Variants in BBS12 observed in about 807,000 individuals in gnomAD.
The protein encoded by BBS12 is chaperonin-containing T-complex member BBS12.
BBS12 carries 5 observed loss-of-function variants against 5.6 expected under a neutral mutation model. The observed-to-expected ratio is 0.89, with a 90% CI of 0.46 to 1.86. The LOEUF (loss-of-function observed/expected upper bound fraction) is 1.86. Among genes scored for constraint, BBS12 ranks in the 40% most tolerant of loss-of-function variants. BBS12 has a pLI of 0.01. For synonymous variants in BBS12, 308 were observed against 306.8 expected (o/e 1.00, Z -0.04); for missense variants, 748 against 830.4 (o/e 0.90, Z 1.22).
At chr4:122,740,699 A>G (rs1384123708) in intron 1 of BBS12, among the ~76,000 whole-genome samples, 2 of 152,242 alleles carry the variant, frequency 1.3e-5, no homozygotes, top group Non-Finnish European at 2.9e-5. Context: ...GTAGTGCTAT[A>G]ATATATAATG....
the BBS12 span, among the ~76,000 whole-genome samples, chr4:122,705,349 G>A: frequency 6.6e-6 from 1 of 152,166 alleles, no homozygotes; most frequent in Non-Finnish European, 1.5e-5. Flanking sequence ...GCTCATGCGT[G>A]TAATCCTAGC....
chr4:122,744,001 A>G lies in BBS12; in HGVS notation c.2109A>G (p.Glu703=). 6.2e-7 allele frequency: 1 copy of G among 1,613,936 alleles called. No homozygotes were observed. Residue 703 remains glutamate (E), a synonymous_variant, in exon 2 of 2, where the codon GAA becomes GAG. Transcript: ENST00000314218. The part of the protein sequence containing the change: ...GHGHTQINSQ[E]LTGFLFL ...GACACACACAGATAAATTCACAGGA[A>G]TTAACGGGCTTTCTATTTTTGTAGT...
At position 122,743,918 on chromosome 4, in the gene BBS12, G is replaced by A; in HGVS notation, c.2026G>A (p.Ala676Thr). The change falls in exon 2 of 2, where the codon GCA becomes ACA. Residue 676 changes from alanine to threonine, a missense_variant. Ala to Thr is a moderately conservative substitution (Grantham distance 58). Coordinates refer to ENST00000314218, the MANE Select transcript of BBS12 (RefSeq NM_152618.3). ...VTPKIEAWRR[A>T]LDLVLLVLQT... The stretch of plus-strand genomic sequence containing the variant: ...ACCAAAGATTGAGGCGTGGCGCCGA[G>A]CATTGGATTTAGTATTGTTAGTACT... 6.2e-7 allele frequency: 1 copy of A among 1,608,426 alleles called. No individual in the cohort carries two copies. Among genetic ancestry groups the A allele is most frequent in the Non-Finnish European group, 8.5e-7 (1 of 1,177,284 alleles).
chr4:122,716,484 A>T, the BBS12 span, among the ~76,000 whole-genome samples: 1 of 134,800 alleles, frequency 7.4e-6, no homozygotes, highest in Non-Finnish European at 1.5e-5. Context: ...ACATCTTCAA[A>T]ATTGGATTAG....
At chr4:122,728,661 A>G (rs1800656974), upstream of BBS12, 1 of 152,270 alleles carries the variant, frequency 6.6e-6, no homozygotes, top group Non-Finnish European at 1.5e-5. Flanking sequence ...GAAATGTTAC[A>G]TAATTAGAAA....
chr4:122,720,904 C>T, the BBS12 span, among the ~76,000 whole-genome samples: 1 of 147,222 alleles, frequency 6.8e-6, no homozygotes, highest in East Asian at 2.0e-4. Context: ...AAAAAAGCCA[C>T]ATGTTATTTT....
At chr4:122,741,247 C>T (rs557925452) in intron 1 of BBS12, among the ~76,000 whole-genome samples, 15 of 152,222 alleles carry the variant, frequency 9.9e-5, no homozygotes, top group South Asian at 6.2e-4. Context: ...AGTGCAGTGG[C>T]GCCATCTTGG....
At chr4:122,702,313 A>C in the BBS12 span, among the ~76,000 whole-genome samples, 1 of 152,140 alleles carries the variant, frequency 6.6e-6, no homozygotes, top group Non-Finnish European at 1.5e-5. Flanking sequence ...TTATCATCAT[A>C]ATGGGGATTT....
the BBS12 span, among the ~76,000 whole-genome samples, chr4:122,708,012 T>C: frequency 1.7e-5 from 2 of 118,568 alleles, no homozygotes; most frequent in Non-Finnish European, 3.4e-5. Context: ...CTTTTTTTTC[T>C]TTCCTTTTTT....
chr4:122,717,496 C>CA, the BBS12 span, among the ~76,000 whole-genome samples: 33 of 152,018 alleles, frequency 2.2e-4, no homozygotes, highest in Admixed American at 4.6e-4. Context: ...CAAACAACCA[C>CA]AAAAAAAATC....
At chr4:122,709,847 G>A in the BBS12 span, among the ~76,000 whole-genome samples, 2 of 152,132 alleles carry the variant, frequency 1.3e-5, no homozygotes, top group South Asian at 4.2e-4. Context: ...GTAGAGACGG[G>A]ATTTCACCAC....
chr4:122,727,226 T>C, the BBS12 span, among the ~76,000 whole-genome samples: 1 of 152,352 alleles, frequency 6.6e-6, no homozygotes, highest in East Asian at 1.9e-4. Context: ...TAAAATGCTC[T>C]TACAAACCAG....
the BBS12 span, among the ~76,000 whole-genome samples, chr4:122,711,838 G>A: frequency 6.6e-6 from 1 of 152,230 alleles, no homozygotes; most frequent in African/African-American, 2.4e-5. Context: ...TATTTTGGAT[G>A]TGTCTGTAAG....
At chr4:122,730,122 C>A (rs1443348074), upstream of BBS12, 1 of 152,154 alleles carries the variant, frequency 6.6e-6, no homozygotes, top group Non-Finnish European at 1.5e-5. Flanking sequence ...TGTTTCCAGA[C>A]AGTTCTATTT....
At chr4:122,715,047 A>G in the BBS12 span, among the ~76,000 whole-genome samples, 4 of 151,982 alleles carry the variant, frequency 2.6e-5, no homozygotes, top group Non-Finnish European at 2.9e-5. Context: ...AAAGACTTGA[A>G]GGAGAATGAC....
chr4:122,741,849 T>A, intron 1 of BBS12, 34 bp from the exon 2 acceptor site: 3 of 1,545,476 alleles, frequency 1.9e-6, no homozygotes, highest in Non-Finnish European at 2.7e-6. Context: ...TGAATTATAC[T>A]GAATAAAGTT....
chr4:122,739,058 G>T (rs1344218545), intron 1 of BBS12, among the ~76,000 whole-genome samples: 1 of 152,226 alleles, frequency 6.6e-6, no homozygotes, highest in South Asian at 2.1e-4. Context: ...AGAGGCAGAG[G>T]TTAGAGTTAT....
the BBS12 span, among the ~76,000 whole-genome samples, chr4:122,706,743 C>T: frequency 1.3e-5 from 2 of 152,104 alleles, no homozygotes; most frequent in Non-Finnish European, 1.5e-5. Flanking sequence ...GGAAGAATCT[C>T]TAGTTCTTTC....
chr4:122,712,154 C>G, the BBS12 span, among the ~76,000 whole-genome samples: 4 of 152,246 alleles, frequency 2.6e-5, no homozygotes, highest in Non-Finnish European at 5.9e-5. Flanking sequence ...CAGACTTGGA[C>G]TGAGCCAAGT....
Sources: allele counts gnomAD v4.1 joint callset (sites outside exome capture counted in the v4.1 genomes callset), GRCh38; gene constraint gnomAD v4.1.1; transcripts MANE v1.5; gene names NCBI Gene and HGNC (gene_info 2026-07-23, HGNC 2026-07-21).